Variants in EPSTI1 observed in about 807,000 individuals in gnomAD.
The protein encoded by EPSTI1 is epithelial stromal interaction 1, also known as epithelial-stromal interaction protein 1.
A neutral mutation model predicts 49.9 loss-of-function variants in EPSTI1; 66 were observed. The observed-to-expected ratio is 1.32, with a 90% CI of 1.08 to 1.62. EPSTI1 has a LOEUF of 1.62. EPSTI1 is among the 40% of genes most tolerant of loss of function. EPSTI1 has a pLI of 0.00. For missense variants in EPSTI1, 394 were observed against 365.5 expected, an observed-to-expected ratio of 1.08 and a Z score of -0.64; for synonymous variants, 137 against 130.7, an observed-to-expected ratio of 1.05 and a Z score of -0.33.
intron 7 of EPSTI1, among the ~76,000 whole-genome samples, chr13:42,925,110 T>C (rs2038129766): frequency 6.6e-6 from 1 of 152,202 alleles, no homozygotes; most frequent in Non-Finnish European, 1.5e-5. Context: ...AGCAGTTTTC[T>C]GACCTGCACT....
At chr13:42,968,921 T>TACACACACACAC (rs71970864) in intron 3 of EPSTI1, among the ~76,000 whole-genome samples, 173 bp downstream of exon 3, 2,183 of 117,550 alleles carry the variant, frequency 0.019, 91 homozygotes, top group African/African-American at 0.066. Flanking sequence ...AAAAAAAAAA[T>TACACACACACAC]ACACACACAC....
intron 6 of EPSTI1, among the ~76,000 whole-genome samples, chr13:42,948,421 T>TG (rs1375977468): frequency 8.4e-6 from 1 of 118,362 alleles, no homozygotes; most frequent in Admixed American, 9.8e-5. Flanking sequence ...CAGAGTGGCT[T>TG]GTTGTTTTTT....
At chr13:42,977,195 C>T (rs1191340251) in intron 1 of EPSTI1, among the ~76,000 whole-genome samples, 2 of 152,154 alleles carry the variant, frequency 1.3e-5, no homozygotes, top group South Asian at 2.1e-4. Context: ...CCTTAGATAT[C>T]CTATTTACAT....
At chr13:42,979,281 T>C (rs1048370323) in intron 1 of EPSTI1, among the ~76,000 whole-genome samples, 1 of 152,198 alleles carries the variant, frequency 6.6e-6, no homozygotes, top group Non-Finnish European at 1.5e-5. Context: ...CCCAATGTTT[T>C]AAGAAATTTT....
At position 42,887,782 on chromosome 13, in the gene EPSTI1, T is replaced by TACAA. The variant is rs1338444547; in HGVS notation, c.*708_*711dup. ...TATATTTGTGTCTAGCTGATGTGTA[T>TACAA]ACAAACATTGGCCTTTCTGGAGATA... On this transcript the variant is annotated 3_prime_UTR_variant, in exon 11 of 11. Transcript: ENST00000313624. 6 of 153,062 alleles carry TACAA rather than the reference T, an allele frequency of 3.9e-5. No individual in the cohort carries two copies. Among genetic ancestry groups the TACAA allele is most frequent in the African/African-American group, 1.2e-4 (5 of 41,462 alleles). The allele number at this position is 153,062 out of a possible 1,614,324, so 9.5% of individuals were successfully genotyped here.
intron 6 of EPSTI1, among the ~76,000 whole-genome samples, chr13:42,929,988 C>A (rs2038309679): frequency 6.6e-6 from 1 of 152,168 alleles, no homozygotes; most frequent in African/African-American, 2.4e-5. Context: ...TGGACTCAGG[C>A]CTCTGACTCT....
In EPSTI1 at chr13:42,902,520, C is replaced by T. The variant is rs74059956; in HGVS notation, c.742-2137G>A. On this transcript the variant is annotated intron_variant, in intron 8 of 10. Coordinates refer to ENST00000313624, the MANE Select transcript of EPSTI1 (RefSeq NM_033255.5). ...TAGTCTGTTCTTTTGCTCTTGTTGGCTTATGGCTTTTTAAAAAAATTCCTG... is the reference window on the plus strand; with the variant it reads ...TAGTCTGTTCTTTTGCTCTTGTTGGTTTATGGCTTTTTAAAAAAATTCCTG... Among the ~76,000 whole-genome samples, 607 of 152,152 alleles carry T rather than the reference C, an allele frequency of 4.0e-3. 2 individuals are homozygous for T. The highest frequency in any genetic ancestry group is 0.014 in the African/African-American group (577 of 41,520).
At chr13:42,903,235 A>AT (rs2037410492) in intron 8 of EPSTI1, among the ~76,000 whole-genome samples, 1 of 152,178 alleles carries the variant, frequency 6.6e-6, no homozygotes, top group African/African-American at 2.4e-5. Flanking sequence ...TTTTAAGATA[A>AT]TTTTTTCAGA....
chr13:42,970,896 G>T (rs377513799), intron 1 of EPSTI1, among the ~76,000 whole-genome samples: 1 of 152,152 alleles, frequency 6.6e-6, no homozygotes, highest in Non-Finnish European at 1.5e-5. Flanking sequence ...TAAAGCATTC[G>T]ATGAGTGACA....
intron 6 of EPSTI1, among the ~76,000 whole-genome samples, chr13:42,927,130 C>A (rs1351428515): frequency 6.6e-6 from 1 of 152,072 alleles, no homozygotes; most frequent in Non-Finnish European, 1.5e-5. Context: ...TCTAATATCT[C>A]TTTTTAGCTC....
At chr13:42,963,441 T>A (rs1452644585) in intron 4 of EPSTI1, 103 bp from the exon 5 acceptor site, 11 of 836,156 alleles carry the variant, frequency 1.3e-5, no homozygotes. Context: ...GTATTGTTTG[T>A]GCTATACCTC....
At chr13:42,948,110 C>T (rs540385871) in intron 6 of EPSTI1, among the ~76,000 whole-genome samples, 36 of 152,372 alleles carry the variant, frequency 2.4e-4, no homozygotes, top group African/African-American at 7.7e-4. Context: ...TGCACACCGG[C>T]GCCACCCAAA....
At chr13:42,897,534 G>A (rs953330997) in intron 9 of EPSTI1, among the ~76,000 whole-genome samples, 4 of 152,148 alleles carry the variant, frequency 2.6e-5, no homozygotes, top group African/African-American at 4.8e-5. Flanking sequence ...CCTGGCACAC[G>A]TTCTTCACCC....
chr13:42,916,797 A>G (rs1417131736), intron 8 of EPSTI1, among the ~76,000 whole-genome samples: 22 of 151,890 alleles, frequency 1.4e-4, no homozygotes, highest in Non-Finnish European at 1.5e-5. Flanking sequence ...GCCCCACCCC[A>G]CTCCCTTTTC....
At chr13:42,901,903 C>T (rs552549940) in intron 8 of EPSTI1, among the ~76,000 whole-genome samples, 76 of 151,948 alleles carry the variant, frequency 5.0e-4, no homozygotes, top group Non-Finnish European at 8.4e-4. Context: ...TCTCCCAATG[C>T]TATCCCTCCC....
At chr13:42,971,738 TTTCC>T (rs2039773301) in intron 1 of EPSTI1, among the ~76,000 whole-genome samples, 1 of 152,148 alleles carries the variant, frequency 6.6e-6, no homozygotes, top group Non-Finnish European at 1.5e-5. Flanking sequence ...ACAGAAGCCA[TTTCC>T]TTCCTTATCT....
intron 1 of EPSTI1, among the ~76,000 whole-genome samples, chr13:42,983,389 C>T (rs1020182780): frequency 1.2e-4 from 19 of 152,078 alleles, no homozygotes; most frequent in African/African-American, 4.6e-4. Context: ...CATGGTGAAA[C>T]CACGTCTCTA....
intron 5 of EPSTI1, among the ~76,000 whole-genome samples, chr13:42,955,078 AAGGAAATTTACTAC>A (rs2039217136): frequency 6.6e-6 from 1 of 152,206 alleles, no homozygotes; most frequent in Admixed American, 6.5e-5. Context: ...AAAAAAACTA[AAGGAAATTTACTAC>A]AGTCAAAGAA....
At chr13:42,890,458 C>T (rs897655727) in intron 10 of EPSTI1, among the ~76,000 whole-genome samples, 2 of 151,962 alleles carry the variant, frequency 1.3e-5, no homozygotes, top group East Asian at 1.9e-4. Context: ...CCACCACGCC[C>T]GGCTAATATT....
Sources: allele counts gnomAD v4.1 joint callset (sites outside exome capture counted in the v4.1 genomes callset), GRCh38; gene constraint gnomAD v4.1.1; transcripts MANE v1.5; gene names NCBI Gene and HGNC (gene_info 2026-07-23, HGNC 2026-07-21).